Variants in DCLK1 observed in about 807,000 individuals in gnomAD.
The protein encoded by DCLK1 is serine/threonine-protein kinase DCLK1.
A neutral mutation model predicts 86.2 loss-of-function variants in DCLK1; 16 were observed. The observed-to-expected ratio is 0.19, with a 90% CI of 0.13 to 0.28. The LOEUF is 0.28. Among genes scored for constraint, DCLK1 ranks in the 10% least tolerant of loss-of-function variants. The pLI is 1.00. For synonymous variants in DCLK1, 369 were observed against 370.5 expected, an observed-to-expected ratio of 1.00 and a Z score of 0.05; for missense variants, 590 against 940.2, an observed-to-expected ratio of 0.63 and a Z score of 4.87.
At chr13:35,969,378 A>G (rs1878955045) in intron 3 of DCLK1, among the ~76,000 whole-genome samples, 1 of 152,190 alleles carries the variant, frequency 6.6e-6, no homozygotes, top group Non-Finnish European at 1.5e-5. Context: ...GAGAGGAGAA[A>G]GCCATGTGAA....
intron 3 of DCLK1, among the ~76,000 whole-genome samples, chr13:36,001,409 C>G (rs573297443): frequency 1.3e-5 from 2 of 152,268 alleles, no homozygotes; most frequent in South Asian, 4.1e-4. Flanking sequence ...TTCCAGAAGT[C>G]TCCTGGTTTG....
intron 3 of DCLK1, among the ~76,000 whole-genome samples, chr13:35,976,793 C>T (rs1879369093): frequency 6.6e-6 from 1 of 152,018 alleles, no homozygotes; most frequent in Admixed American, 6.6e-5. Context: ...CTCGGCCTCC[C>T]AAAGTGCTGG....
intron 3 of DCLK1, among the ~76,000 whole-genome samples, chr13:36,061,061 C>T (rs1382021793): frequency 6.6e-6 from 1 of 152,150 alleles, no homozygotes; most frequent in African/African-American, 2.4e-5. Context: ...TGGGGTCACA[C>T]AGATCTTTTA....
chr13:36,057,732 T>G (rs1883389595), intron 3 of DCLK1, among the ~76,000 whole-genome samples: 1 of 152,172 alleles, frequency 6.6e-6, no homozygotes, highest in Non-Finnish European at 1.5e-5. Flanking sequence ...CCAGCATGGC[T>G]TTTAGTTTGC....
chr13:36,114,112 A>T (rs563738780), intron 2 of DCLK1, among the ~76,000 whole-genome samples: 1 of 152,362 alleles, frequency 6.6e-6, no homozygotes, highest in South Asian at 2.1e-4. Context: ...CATTTCAACA[A>T]AAACTTTAAA....
intron 3 of DCLK1, among the ~76,000 whole-genome samples, chr13:35,975,388 C>T (rs1593784227): frequency 1.3e-5 from 2 of 152,272 alleles, no homozygotes; most frequent in African/African-American, 4.8e-5. Context: ...GGTCACGGTG[C>T]CAACCTGGGG....
chr13:35,965,777 ACTCTCT>A (rs150606426), intron 3 of DCLK1, among the ~76,000 whole-genome samples: 1 of 148,906 alleles, frequency 6.7e-6, no homozygotes, highest in Non-Finnish European at 1.5e-5. Context: ...GTATTCTCTC[ACTCTCT>A]CTCTCTCTCT....
chr13:35,985,580 G>A (rs960101062), intron 3 of DCLK1, among the ~76,000 whole-genome samples: 3 of 152,194 alleles, frequency 2.0e-5, no homozygotes, highest in African/African-American at 7.2e-5. Context: ...AAAGGTAATT[G>A]ACAACTCTCT....
At chr13:36,072,645 A>G (rs1446870628) in intron 3 of DCLK1, among the ~76,000 whole-genome samples, 1 of 152,166 alleles carries the variant, frequency 6.6e-6, no homozygotes, top group East Asian at 1.9e-4. Context: ...CAGCCTCTAG[A>G]AAATCACTAA....
At position 35,769,879 on chromosome 13, in the gene DCLK1, T is replaced by A. The variant is rs1405159299; in HGVS notation, c.*4656A>T. ...CTTTAGGGAACAAAATGAAACTAGA[T>A]CTCTCATTTGTCTGTATGGGCAAGA... is the stretch of plus-strand genomic sequence containing the variant. On this transcript the variant is annotated 3_prime_UTR_variant, in exon 17 of 17. Transcript: ENST00000360631. 1 of 152,296 alleles carries A rather than the reference T, an allele frequency of 6.6e-6. No homozygotes were observed. The highest frequency in any genetic ancestry group is 1.9e-4 in the East Asian group (1 of 5,184). 9.4% of individuals were successfully genotyped at this position (152,296 alleles called of 1,614,324 possible).
At chr13:36,045,377 T>TATATATATATATCTATATATAC (rs568110221) in intron 3 of DCLK1, among the ~76,000 whole-genome samples, 1 of 125,078 alleles carries the variant, frequency 8.0e-6, no homozygotes, top group Admixed American at 8.8e-5. Flanking sequence ...TATATATATA[T>TATATATATATATCTATATATAC]TTCAAGGTAA....
At chr13:35,878,543 T>G (rs1050984585) in intron 4 of DCLK1, among the ~76,000 whole-genome samples, 2 of 152,074 alleles carry the variant, frequency 1.3e-5, no homozygotes, top group Non-Finnish European at 2.9e-5. Flanking sequence ...ATGGGGATGG[T>G]TAATGGGTAC....
chr13:35,792,768 G>T (rs2086730964), intron 16 of DCLK1, among the ~76,000 whole-genome samples: 1 of 152,180 alleles, frequency 6.6e-6, no homozygotes, highest in Non-Finnish European at 1.5e-5. Context: ...GAACAGAAAA[G>T]AAAGGCCTTG....
At chr13:35,983,120 T>TTTATTA (rs570947552) in intron 3 of DCLK1, among the ~76,000 whole-genome samples, 5 of 151,554 alleles carry the variant, frequency 3.3e-5, no homozygotes, top group African/African-American at 1.2e-4. Flanking sequence ...TCCAGAACTC[T>TTTATTA]TTATTATTAT....
chr13:35,884,269 A>C (rs2153117280), intron 4 of DCLK1, among the ~76,000 whole-genome samples: 1 of 152,332 alleles, frequency 6.6e-6, no homozygotes, highest in Middle Eastern at 3.4e-3. Flanking sequence ...CTTGAAAAAA[A>C]CAGCAAATAT....
Position 36,112,218 on chromosome 13 carries a change from A to G in DCLK1, c.377-3T>C, listed in dbSNP as rs1323397664. On this transcript the variant is annotated splice_region_variant and splice_polypyrimidine_tract_variant and intron_variant, in intron 2 of 16. Coordinates refer to ENST00000360631, the MANE Select transcript of DCLK1 (RefSeq NM_001330071.2). ...GGAGCCACATACATAACTCTCTCCT[A>G]AGGAAGAGAGAAATATATTTAAATT... 1.3e-6 allele frequency: 2 copies of G among 1,536,926 alleles called. No individual in the cohort carries two copies. Among genetic ancestry groups the G allele is most frequent in the South Asian group, 2.4e-5 (2 of 84,074 alleles).
intron 3 of DCLK1, among the ~76,000 whole-genome samples, chr13:36,033,290 G>A (rs1882357846): frequency 6.6e-6 from 1 of 152,104 alleles, no homozygotes; most frequent in Non-Finnish European, 1.5e-5. Context: ...TGGCCATCTG[G>A]GGAGGATCAC....
chr13:36,063,526 A>G (rs1165374241), intron 3 of DCLK1, among the ~76,000 whole-genome samples: 1 of 152,278 alleles, frequency 6.6e-6, no homozygotes, highest in South Asian at 2.1e-4. Context: ...TTTTGGAGTA[A>G]GTCTGGCATC....
chr13:36,104,696 G>A (rs1338180665), intron 3 of DCLK1, among the ~76,000 whole-genome samples: 2 of 152,092 alleles, frequency 1.3e-5, no homozygotes, highest in Non-Finnish European at 2.9e-5. Flanking sequence ...TACTTTCTCG[G>A]TGGGATGGAT....
Sources: allele counts gnomAD v4.1 joint callset (sites outside exome capture counted in the v4.1 genomes callset), GRCh38; gene constraint gnomAD v4.1.1; transcripts MANE v1.5; gene names NCBI Gene and HGNC (gene_info 2026-07-23, HGNC 2026-07-21).